The following PLPPR1 variants were observed in gnomAD, a reference collection of about 807,000 sequenced individuals.
PLPPR1 encodes the protein phospholipid phosphatase-related protein type 1.
Under a neutral mutation model 33.1 loss-of-function variants are expected in PLPPR1, and 10 were observed. The observed-to-expected ratio is 0.30, with a 90% CI of 0.19 to 0.51. The LOEUF (loss-of-function observed/expected upper bound fraction) is 0.51, where lower values mean the gene tolerates loss of function less well. PLPPR1 is among the 20% of genes least tolerant of loss of function. The pLI is 0.97. For missense variants in PLPPR1, 304 were observed against 408.1 expected (o/e 0.74, Z 2.20); for synonymous variants, 151 against 151.0 (o/e 1.00, Z 0.00).
intron 2 of PLPPR1, among the ~76,000 whole-genome samples, chr9:101,210,658 G>T (rs932490061): frequency 2.0e-5 from 3 of 152,176 alleles, no homozygotes. Flanking sequence ...TTTAGAAGAA[G>T]AATGCAATCT....
intron 1 of PLPPR1, chr9:101,125,558 T>A: frequency 2.0e-6 from 1 of 492,672 alleles, no homozygotes; most frequent in African/African-American, 1.9e-5. Flanking sequence ...AAGTGCTGTC[T>A]CCTGCCTAAA....
At chr9:101,091,666 C>G (rs1400239920) in intron 1 of PLPPR1, among the ~76,000 whole-genome samples, 1 of 152,188 alleles carries the variant, frequency 6.6e-6, no homozygotes, top group African/African-American at 2.4e-5. Context: ...CCATCTGCAA[C>G]CTTAATCCCC....
chr9:101,287,389 G>A (rs35772088), intron 4 of PLPPR1, among the ~76,000 whole-genome samples: 3,037 of 152,314 alleles, frequency 0.02, 42 homozygotes, highest in Middle Eastern at 0.068. Context: ...AGAGGGGCAA[G>A]ATAAGAGATC....
At chr9:101,257,847 A>G (rs1827829902) in intron 2 of PLPPR1, among the ~76,000 whole-genome samples, 1 of 151,846 alleles carries the variant, frequency 6.6e-6, no homozygotes, top group Non-Finnish European at 1.5e-5. Context: ...GATTAAGTGG[A>G]TTAATCTATT....
At chr9:101,073,194 A>T (rs147286014) in intron 1 of PLPPR1, among the ~76,000 whole-genome samples, 2 of 152,144 alleles carry the variant, frequency 1.3e-5, no homozygotes, top group Admixed American at 6.6e-5. Context: ...TTGCTGTGTT[A>T]TTTCTCAAAG....
At chr9:101,130,208 T>C (rs1203721235) in intron 1 of PLPPR1, among the ~76,000 whole-genome samples, 1 of 152,170 alleles carries the variant, frequency 6.6e-6, no homozygotes, top group African/African-American at 2.4e-5. Flanking sequence ...CAAAAAAAAT[T>C]TGTACAGAAA....
chr9:101,173,319 G>A (rs1564165571), intron 1 of PLPPR1, among the ~76,000 whole-genome samples: 1 of 152,050 alleles, frequency 6.6e-6, no homozygotes, highest in Non-Finnish European at 1.5e-5. Context: ...AGCTGCTAGA[G>A]TTTTACTTTT....
At chr9:101,053,283 T>A (rs771884957) in intron 1 of PLPPR1, among the ~76,000 whole-genome samples, 2 of 152,178 alleles carry the variant, frequency 1.3e-5, no homozygotes, top group Non-Finnish European at 2.9e-5. Context: ...CCTTTCTTAA[T>A]GTCGTCAAGC....
intron 1 of PLPPR1, among the ~76,000 whole-genome samples, chr9:101,085,840 C>T (rs1255999591): frequency 6.6e-6 from 1 of 151,932 alleles, no homozygotes; most frequent in South Asian, 2.1e-4. Flanking sequence ...TGGGGTTCCA[C>T]TTCCCTCATT....
At chr9:101,225,996 A>G (rs1028250752) in intron 2 of PLPPR1, among the ~76,000 whole-genome samples, 1 of 152,000 alleles carries the variant, frequency 6.6e-6, no homozygotes, top group African/African-American at 2.4e-5. Flanking sequence ...TAAGTGAGAA[A>G]ACTGAGGTCT....
chr9:101,048,201 A>G (rs1830176578), intron 1 of PLPPR1, among the ~76,000 whole-genome samples: 1 of 152,196 alleles, frequency 6.6e-6, no homozygotes, highest in Admixed American at 6.5e-5. Context: ...CCATAAATAG[A>G]TGATTACTCA....
At chr9:101,170,907 T>C (rs1186171982) in intron 1 of PLPPR1, among the ~76,000 whole-genome samples, 2 of 152,018 alleles carry the variant, frequency 1.3e-5, no homozygotes, top group African/African-American at 4.8e-5. Flanking sequence ...ATCACTGCAC[T>C]CCAGCCTGGG....
chr9:101,131,565 T>G (rs923963383), intron 1 of PLPPR1: 9 of 152,208 alleles, frequency 5.9e-5, no homozygotes. Flanking sequence ...GGACTCGTCG[T>G]GAGCGGGGAG....
chr9:101,030,119 T>C (rs1329343283), intron 1 of PLPPR1, among the ~76,000 whole-genome samples: 2 of 151,994 alleles, frequency 1.3e-5, no homozygotes, highest in African/African-American at 4.8e-5. Flanking sequence ...AAGGATTTCC[T>C]AAAATCCTTT....
chr9:101,156,000 C>G (rs963363456), intron 1 of PLPPR1, among the ~76,000 whole-genome samples: 1 of 152,128 alleles, frequency 6.6e-6, no homozygotes. Flanking sequence ...GCCAATTAGT[C>G]AGCTAGTATT....
chr9:101,035,379 T>C (rs1829997646), intron 1 of PLPPR1, among the ~76,000 whole-genome samples: 1 of 152,162 alleles, frequency 6.6e-6, no homozygotes, highest in African/African-American at 2.4e-5. Context: ...TGTGCTATAA[T>C]CAAAGACTTT....
intron 2 of PLPPR1, among the ~76,000 whole-genome samples, chr9:101,188,979 A>T (rs976612725): frequency 6.6e-6 from 1 of 151,776 alleles, no homozygotes; most frequent in African/African-American, 2.4e-5. Context: ...TAATTTGCTC[A>T]TGAAGTTTAT....
At chr9:101,285,177 C>T (rs998916012) in intron 3 of PLPPR1, among the ~76,000 whole-genome samples, 7 of 152,220 alleles carry the variant, frequency 4.6e-5, no homozygotes, top group African/African-American at 9.6e-5. Context: ...TGATGAGTCT[C>T]GATCTTCAGT....
At chr9:101,237,679 CATATATATAT>C (rs1294525029) in intron 2 of PLPPR1, among the ~76,000 whole-genome samples, 2 of 130,096 alleles carry the variant, frequency 1.5e-5, no homozygotes, top group East Asian at 4.5e-4. Context: ...CATATATATA[CATATATATAT>C]AGCCTATATA....
Sources: gnomAD v4.1 joint callset for allele counts (sites outside exome capture counted in the v4.1 genomes callset) on GRCh38, gnomAD v4.1.1 for gene constraint, MANE v1.5 for transcripts, NCBI Gene and HGNC (gene_info 2026-07-23, HGNC 2026-07-21) for gene names.